The following PDZD8 variants were observed in gnomAD, a reference collection of about 807,000 sequenced individuals.
PDZD8 encodes PDZ domain containing 8, also known as PDZ domain-containing protein 8.
A neutral mutation model predicts 85.8 loss-of-function variants in PDZD8; 14 were observed. The ratio of observed to expected loss-of-function variants is 0.16; its 90% CI spans 0.11 to 0.26. The LOEUF is 0.26. Among genes scored for constraint, PDZD8 ranks in the 10% least tolerant of loss-of-function variants. The probability of loss-of-function intolerance (pLI) is 1.00; values close to 1 mark genes in which losing one functional copy is unlikely to be tolerated. For synonymous variants in PDZD8, 592 were observed against 568.6 expected (o/e 1.04, Z -0.59); for missense variants, 1,197 against 1,424.3 (o/e 0.84, Z 2.57).
chr10:117,364,844 T>G (rs1252347655), intron 1 of PDZD8, among the ~76,000 whole-genome samples: 1 of 151,730 alleles, frequency 6.6e-6, no homozygotes, highest in Non-Finnish European at 1.5e-5. Context: ...CTTCACAGAA[T>G]AATTTGGAGG....
chr10:117,332,758 C>T (rs181433), intron 2 of PDZD8, among the ~76,000 whole-genome samples: 28 of 151,236 alleles, frequency 1.9e-4, no homozygotes, highest in African/African-American at 5.8e-4. Context: ...CCACCCACCT[C>T]GGCCTCCCAA....
chr10:117,323,502 C>T (rs779937255), intron 2 of PDZD8, among the ~76,000 whole-genome samples: 4 of 152,152 alleles, frequency 2.6e-5, no homozygotes, highest in Admixed American at 6.5e-5. Flanking sequence ...GTAACTTATA[C>T]TTCCTGGACA....
intron 1 of PDZD8, among the ~76,000 whole-genome samples, chr10:117,348,952 T>C (rs1844753845): frequency 6.6e-6 from 1 of 152,222 alleles, no homozygotes; most frequent in African/African-American, 2.4e-5. Flanking sequence ...CATACATTAC[T>C]ATATTTGATC....
In PDZD8 at chr10:117,297,158, C is replaced by T. The variant is rs73394938; in HGVS notation, c.1099-6810G>A. On this transcript the variant is annotated intron_variant, in intron 3 of 4. Coordinates refer to ENST00000334464, the MANE Select transcript of PDZD8 (RefSeq NM_173791.5). ...CAAAAGAAGATATGCAAATGGCCAA[C>T]AAGCATATTAAAAGATGTTCAATTA... Among the ~76,000 whole-genome samples the T allele has an allele frequency of 2.5e-3, 387 of 152,132 alleles. 3 individuals carry two copies. Among genetic ancestry groups the T allele is most frequent in the African/African-American group, 8.9e-3 (369 of 41,524 alleles).
At chr10:117,305,909 T>C (rs192295926) in intron 3 of PDZD8, among the ~76,000 whole-genome samples, 8 of 152,336 alleles carry the variant, frequency 5.3e-5, no homozygotes, top group Admixed American at 4.6e-4. Context: ...TTACTAGTTT[T>C]GTCACCTTAG....
rs780381640 is a variant in PDZD8 at position 117,341,030 on chromosome 10, T to C, written c.945A>G (p.Gln315=). ...EEDEEHIHIQ[Q]WALTEGRLKV... is the part of the protein sequence containing the mutation. ...TAAGACGGCCTTCAGTAAGTGCCCA[T>C]TGTTGTATATGGATATGCTCTTCAT... Residue 315 remains glutamine, a synonymous_variant, in exon 2 of 5, where the codon CAA becomes CAG. Transcript: ENST00000334464. 13 of 1,613,906 alleles carry C rather than the reference T, an allele frequency of 8.1e-6. No homozygotes were observed. In the South Asian group the frequency reaches 8.8e-5, roughly 11 times the overall value.
chr10:117,366,747 G>C (rs1292827803), intron 1 of PDZD8, among the ~76,000 whole-genome samples: 1 of 152,182 alleles, frequency 6.6e-6, no homozygotes. Context: ...AGAAATAATA[G>C]AGCATGAGCT....
At chr10:117,347,529 C>T (rs963031768) in intron 1 of PDZD8, among the ~76,000 whole-genome samples, 2 of 152,158 alleles carry the variant, frequency 1.3e-5, no homozygotes, top group African/African-American at 2.4e-5. Flanking sequence ...CCCTGATCAC[C>T]TTGGGCATAT....
At chr10:117,305,500 A>T (rs1246260943) in intron 3 of PDZD8, among the ~76,000 whole-genome samples, 1 of 151,414 alleles carries the variant, frequency 6.6e-6, no homozygotes, top group Admixed American at 6.6e-5. Context: ...ACACACACAC[A>T]CACACACACA....
In PDZD8 at chr10:117,285,281, C is replaced by A; in HGVS notation, c.1452G>T (p.Gly484=). The change falls in exon 5 of 5, where the codon GGG becomes GGT. Residue 484 remains glycine, a synonymous_variant. Coordinates refer to ENST00000334464, the MANE Select transcript of PDZD8 (RefSeq NM_173791.5). ...CQSGYEEEAA[G]LTVDTESREL... ...CTCTACTTTCAGTATCTACTGTCAA[C>A]CCGGCAGCTTCCTCTTCATAACCCG... is the stretch of plus-strand genomic sequence containing the variant. 6.2e-7 allele frequency: 1 copy of A among 1,614,132 alleles called. No homozygotes were observed. The highest frequency in any genetic ancestry group is 8.5e-7 in the Non-Finnish European group (1 of 1,180,036).
chr10:117,297,190 A>C (rs1477243739), intron 3 of PDZD8, among the ~76,000 whole-genome samples: 6 of 152,156 alleles, frequency 3.9e-5, no homozygotes, highest in Admixed American at 3.9e-4. Flanking sequence ...ATTAGCCATT[A>C]GGAAAATACA....
chr10:117,289,625 G>A (rs1844722326), intron 4 of PDZD8, among the ~76,000 whole-genome samples: 1 of 152,206 alleles, frequency 6.6e-6, no homozygotes, highest in Non-Finnish European at 1.5e-5. Context: ...GCATGTAAGT[G>A]ACACATTTTT....
At chr10:117,315,602 A>AAAAC (rs1844113775) in intron 3 of PDZD8, among the ~76,000 whole-genome samples, 1 of 143,312 alleles carries the variant, frequency 7.0e-6, no homozygotes, top group African/African-American at 2.5e-5. Context: ...AAAAAAAAAA[A>AAAAC]AAAAAAAAAA....
At chr10:117,301,488 C>A (rs772542963) in intron 3 of PDZD8, among the ~76,000 whole-genome samples, 1 of 152,170 alleles carries the variant, frequency 6.6e-6, no homozygotes, top group African/African-American at 2.4e-5. Flanking sequence ...AGTTACTGAG[C>A]TGTTTGCAAG....
chr10:117,286,735 A>G (rs1391185419), intron 4 of PDZD8, among the ~76,000 whole-genome samples: 3 of 152,130 alleles, frequency 2.0e-5, no homozygotes, highest in Non-Finnish European at 4.4e-5. Flanking sequence ...TTGCTCTTCT[A>G]TCCAACCCTG....
At chr10:117,321,179 C>T (rs1432086318) in intron 2 of PDZD8, among the ~76,000 whole-genome samples, 1 of 152,090 alleles carries the variant, frequency 6.6e-6, no homozygotes, top group Non-Finnish European at 1.5e-5. Context: ...TACATTCATA[C>T]ATGCATGCAA....
At chr10:117,365,537 G>A (rs574521483) in intron 1 of PDZD8, among the ~76,000 whole-genome samples, 3 of 151,964 alleles carry the variant, frequency 2.0e-5, no homozygotes, top group South Asian at 4.2e-4. Flanking sequence ...TGAGTTTGTC[G>A]CTCATTTGAA....
intron 2 of PDZD8, among the ~76,000 whole-genome samples, chr10:117,323,415 C>G (rs980464747): frequency 2.6e-5 from 4 of 152,164 alleles, no homozygotes; most frequent in Non-Finnish European, 5.9e-5. Context: ...GTTTGAACTA[C>G]CTTTCTTCTC....
Position 117,277,332 on chromosome 10 carries a change from C to A in PDZD8, c.*5936G>T. The A allele has an allele frequency of 2.1e-6, 2 of 964,716 alleles. No individual in the cohort carries two copies. The highest frequency in any genetic ancestry group is 3.2e-6 in the Non-Finnish European group (2 of 622,508). The allele number at this position is 964,716 out of a possible 1,614,324, so 59.8% of individuals were successfully genotyped here. ...AAACAGTGTTTCCAGTGACACAACTCATCCAGAACTGTCTTAGTCATACCA... is the reference window on the plus strand; with the variant it reads ...AAACAGTGTTTCCAGTGACACAACTAATCCAGAACTGTCTTAGTCATACCA... On this transcript the variant is annotated 3_prime_UTR_variant, in exon 5 of 5. Coordinates refer to ENST00000334464, the MANE Select transcript of PDZD8 (RefSeq NM_173791.5).
Sources: gnomAD v4.1 joint callset for allele counts (sites outside exome capture counted in the v4.1 genomes callset) on GRCh38, gnomAD v4.1.1 for gene constraint, MANE v1.5 for transcripts, NCBI Gene and HGNC (gene_info 2026-07-23, HGNC 2026-07-21) for gene names.